Variants in ANKRD36 observed in about 807,000 individuals in gnomAD.
ANKRD36 encodes the protein ankyrin repeat domain-containing protein 36A.
In ANKRD36, 179 loss-of-function variants were observed where a neutral mutation model predicts 278.1. That is an observed-to-expected ratio of 0.64 (90% CI 0.57 to 0.73). The LOEUF is 0.73. Ranked by LOEUF, ANKRD36 falls within the 30% of genes least tolerant of loss-of-function variation. The pLI, the probability that ANKRD36 is intolerant of heterozygous loss-of-function variation, is 0.00. For synonymous variants in ANKRD36, 320 were observed against 641.1 expected, an observed-to-expected ratio of 0.50 and a Z score of 7.57; for missense variants, 1,159 against 1,956.7, an observed-to-expected ratio of 0.59 and a Z score of 7.69.
At chr2:97,233,174 A>G (rs1402220509) in intron 67 of ANKRD36, among the ~76,000 whole-genome samples, 21 of 150,700 alleles carry the variant, frequency 1.4e-4, no homozygotes, top group Admixed American at 7.3e-4. Flanking sequence ...ATGGTGACAG[A>G]ACATCAGCAG....
At position 97,124,560 on chromosome 2, in the gene ANKRD36, ATTGC is replaced by A; in HGVS notation, c.695_698del (p.Ile232LysfsTer16). The A allele has an allele frequency of 6.4e-7, 1 of 1,553,052 alleles. No individual in the cohort carries two copies. The highest frequency in any genetic ancestry group is 8.7e-7 in the Non-Finnish European group (1 of 1,147,366). ...GCTTTCTCGAGATGCGTTTCGAAAGATTGCAGGAGATTATGCCATTGAGGCTAAG... is the reference window on the plus strand; with the variant it reads ...GCTTTCTCGAGATGCGTTTCGAAAGAAGGAGATTATGCCATTGAGGCTAAG... On this transcript the variant is annotated frameshift_variant, in exon 5 of 76. Transcript: ENST00000420699. LOFTEE classifies it high-confidence loss of function.
Position 97,187,331 on chromosome 2 carries a change from T to G in ANKRD36, c.2073T>G (p.Ala691=). The G allele has an allele frequency of 6.2e-7, 1 of 1,607,198 alleles. No homozygotes were observed. Among genetic ancestry groups the G allele is most frequent in the Non-Finnish European group, 8.5e-7 (1 of 1,177,080 alleles). The change falls in exon 32 of 76, where the codon GCT becomes GCG. Residue 691 remains alanine (A), a splice_region_variant and synonymous_variant. Transcript: ENST00000420699. ...ATTTTCTTTCAAATTCCATTCAGGC[T>G]ACAACTGACGAGGAAGACTCTGTTT... is the stretch of plus-strand genomic sequence containing the variant. The part of the protein sequence containing the change: ...VSSQKQPALK[A]TTDEEDSVSN...
At chr2:97,192,106 T>A (rs561878699) in intron 36 of ANKRD36, among the ~76,000 whole-genome samples, 2 of 151,882 alleles carry the variant, frequency 1.3e-5, no homozygotes, top group African/African-American at 4.8e-5. Context: ...AACTTAATAA[T>A]ATCTAATGCT....
chr2:97,219,064 C>G lies in ANKRD36; in HGVS notation c.3790C>G (p.Leu1264Val), dbSNP rs1439610181. The change falls in exon 65 of 76, where the codon CTG becomes GTG. Residue 1264 changes from leucine (L) to valine (V), a missense_variant. Physicochemically the swap from Leu to Val is conservative, Grantham distance 32. Coordinates refer to ENST00000420699, the MANE Select transcript of ANKRD36 (RefSeq NM_001354587.1). ...WKSGTEYPEN[L>V]PTLKATIENK... ...TTGCTTGTTAGAGTATCCTGAGAAT[C>G]TGCCCACCTTGAAGGTAATTACTCT... 2 of 1,542,104 alleles carry G rather than the reference C, an allele frequency of 1.3e-6. No homozygotes were observed. The highest frequency in any genetic ancestry group is 1.4e-5 in the African/African-American group (1 of 72,392).
chr2:97,192,004 A>G (rs1239591871), intron 36 of ANKRD36, among the ~76,000 whole-genome samples: 1 of 151,766 alleles, frequency 6.6e-6, no homozygotes, highest in Non-Finnish European at 1.5e-5. Context: ...TACTCCCAAC[A>G]AGGCTATTTT....
chr2:97,231,367 G>T lies in ANKRD36; in HGVS notation c.3952-2363G>T, dbSNP rs535655834. 1.4e-3 allele frequency among the ~76,000 whole-genome samples: 218 copies of T among 152,250 alleles called. 1 individual carries two copies. The highest frequency in any genetic ancestry group is 0.014 in the Middle Eastern group (4 of 294). On this transcript the variant is annotated intron_variant, in intron 67 of 75. Coordinates refer to ENST00000420699, the MANE Select transcript of ANKRD36 (RefSeq NM_001354587.1). ...GTGCCCCTCCCCCAGCCTCACTGCCGCCTTGCAGTTTGATCTCAGACTGCT... is the reference window on the plus strand; with the variant it reads ...GTGCCCCTCCCCCAGCCTCACTGCCTCCTTGCAGTTTGATCTCAGACTGCT...
chr2:97,175,770 A>C (rs199664667), intron 22 of ANKRD36, among the ~76,000 whole-genome samples: 1,518 of 139,254 alleles, frequency 0.011, no homozygotes, highest in East Asian at 0.029. Flanking sequence ...TTAGTGCTAT[A>C]AATTTCCCTC....
At chr2:97,177,828 G>A (rs2054781070) in intron 22 of ANKRD36, among the ~76,000 whole-genome samples, 1 of 151,874 alleles carries the variant, frequency 6.6e-6, no homozygotes, top group South Asian at 2.1e-4. Context: ...TTGACAGATG[G>A]GATCTAATTA....
At chr2:97,127,406 GTTA>G (rs2038903527) in intron 6 of ANKRD36, among the ~76,000 whole-genome samples, 1 of 151,862 alleles carries the variant, frequency 6.6e-6, no homozygotes, top group Admixed American at 6.6e-5. Flanking sequence ...AAATTTTTAA[GTTA>G]TTATGTTGTA....
At chr2:97,186,555 T>A (rs1486090093) in intron 30 of ANKRD36, among the ~76,000 whole-genome samples, 1 of 151,378 alleles carries the variant, frequency 6.6e-6, no homozygotes, top group Admixed American at 6.6e-5. Flanking sequence ...TGAAGAAATG[T>A]CCAGGAAGGC....
At chr2:97,156,372 AC>A in intron 15 of ANKRD36, among the ~76,000 whole-genome samples, 1 of 129,626 alleles carries the variant, frequency 7.7e-6, no homozygotes, top group Admixed American at 7.9e-5. Flanking sequence ...CCTCCCCCCT[AC>A]CCCCACCCCA....
chr2:97,121,624 C>T lies in ANKRD36; in HGVS notation c.487-1263C>T, dbSNP rs555036151. Among the ~76,000 whole-genome samples, 7 of 151,830 alleles carry T rather than the reference C, an allele frequency of 4.6e-5. No homozygotes were observed. In the South Asian group the frequency reaches 6.3e-4, roughly 14 times the overall value. On this transcript the variant is annotated intron_variant, in intron 3 of 75. Transcript: ENST00000420699. ...TGGCACCACTGCACTCCAGCCTGGG[C>T]GACAGAGCGAGACTCCATCCCAAAT...
At chr2:97,235,106 G>T (rs1172266825) in intron 68 of ANKRD36, among the ~76,000 whole-genome samples, 5 of 151,120 alleles carry the variant, frequency 3.3e-5, no homozygotes, top group Non-Finnish European at 5.9e-5. Context: ...CACAAAGATT[G>T]TTCCTGTGTT....
intron 46 of ANKRD36, 137 bp downstream of exon 46, chr2:97,200,662 C>G: frequency 2.1e-6 from 3 of 1,402,418 alleles, no homozygotes; most frequent in Non-Finnish European, 1.9e-6. Flanking sequence ...CTAACAAGTT[C>G]TTGGGTTATG....
intron 48 of ANKRD36, among the ~76,000 whole-genome samples, chr2:97,202,726 C>T (rs1474387560): frequency 7.9e-5 from 12 of 151,762 alleles, no homozygotes; most frequent in Non-Finnish European, 1.3e-4. Context: ...GAGGAAGTAT[C>T]GATTTTACAG....
At chr2:97,202,180 A>T (rs1273794650) in intron 46 of ANKRD36, 22 bp from the exon 47 acceptor site, 1 of 1,608,906 alleles carries the variant, frequency 6.2e-7, no homozygotes, top group South Asian at 1.1e-5. Flanking sequence ...ATGACTGATT[A>T]TGAATCCCTT....
rs185255765 is a variant in ANKRD36 at position 97,209,882 on chromosome 2, A to C, written c.3367+10A>C. ...GAAAAATCTAGGACAGGTAATTTTG[A>C]AAACAGATTTAATGTCATGTTCAGT... On this transcript the variant is annotated intron_variant, in intron 56 of 75. Transcript: ENST00000420699. 76 of 1,569,604 alleles carry C rather than the reference A, an allele frequency of 4.8e-5. No homozygotes were observed. In the Admixed American group the frequency reaches 1.3e-3, roughly 26 times the overall value.
chr2:97,114,897 T>A (rs564602764), intron 1 of ANKRD36, among the ~76,000 whole-genome samples: 39 of 152,184 alleles, frequency 2.6e-4, no homozygotes, highest in South Asian at 6.2e-4. Flanking sequence ...CTTTTACTAT[T>A]GTGACGACAT....
Position 97,142,646 on chromosome 2 carries a change from C to G in ANKRD36, c.806C>G (p.Ser269Cys), listed in dbSNP as rs776083963. The G allele has an allele frequency of 2.8e-5, 45 of 1,609,064 alleles. No homozygotes were observed. Among genetic ancestry groups the G allele is most frequent in the Non-Finnish European group, 3.4e-5 (40 of 1,179,128 alleles). ...TATCCCTTTTGCTTTTCAGTGTCTTCTCAGAAACAACCAGCCTTGAAGGTA... is the reference window on the plus strand; with the variant it reads ...TATCCCTTTTGCTTTTCAGTGTCTTGTCAGAAACAACCAGCCTTGAAGGTA... ...DLPINSNPVS[S>C]QKQPALKATS... The change falls in exon 7 of 76, where the codon TCT (serine) becomes TGT (cysteine). Residue 269 changes from serine (S) to cysteine (C), a missense_variant. By Grantham distance (112) the Ser-to-Cys change is moderately radical (BLOSUM62 -1). Coordinates refer to ENST00000420699, the MANE Select transcript of ANKRD36 (RefSeq NM_001354587.1).
Sources: allele counts gnomAD v4.1 joint callset (sites outside exome capture counted in the v4.1 genomes callset), GRCh38; gene constraint gnomAD v4.1.1; transcripts MANE v1.5; gene names NCBI Gene and HGNC (gene_info 2026-07-23, HGNC 2026-07-21).